RALYL: variants seen among roughly 807,000 people sequenced by gnomAD.
The protein encoded by RALYL is RALY RNA binding protein like.
A neutral mutation model predicts 35.1 loss-of-function variants in RALYL; 29 were observed. The observed-to-expected ratio is 0.83, with a 90% CI of 0.61 to 1.13. The LOEUF is 1.13. Ranked by LOEUF, RALYL falls within the 50% of genes most tolerant of loss-of-function variation. RALYL has a pLI of 0.00. For synonymous variants in RALYL, 120 were observed against 127.6 expected (o/e 0.94, Z 0.40); for missense variants, 359 against 360.4 (o/e 1.00, Z 0.03).
intron 2 of RALYL, among the ~76,000 whole-genome samples, chr8:84,760,456 G>C (rs1434174617): frequency 6.6e-6 from 1 of 151,974 alleles, no homozygotes; most frequent in Non-Finnish European, 1.5e-5. Context: ...TGTATATACA[G>C]TCATGAAACA....
Position 84,225,714 on chromosome 8 carries a change from C to A in RALYL, c.-24+41290C>A, listed in dbSNP as rs531437362. Among the ~76,000 whole-genome samples, 3 of 152,296 alleles carry A rather than the reference C, an allele frequency of 2.0e-5. No homozygotes were observed. The East Asian group carries it at 5.8e-4, about 29-fold the overall frequency. On this transcript the variant is annotated intron_variant, in intron 1 of 8. Transcript: ENST00000521268. ...TCAAACTTGTGTGACTGCCCCCACT[C>A]CTGATTTCCACCTTCACGGTGTCCT...
rs929879930 is a variant in RALYL, at chr8:84,921,128, A to G, written c.*217A>G. ...CAGGTTTTTATGGTTTAAATTGTAA[A>G]TGTGTTTTCCCCTTTGCTAATTATG... On this transcript the variant is annotated 3_prime_UTR_variant, in exon 9 of 9. Transcript: ENST00000521268. 3 of 373,940 alleles carry G rather than the reference A, an allele frequency of 8.0e-6. No homozygotes were observed. The highest frequency in any genetic ancestry group is 1.5e-5 in the Non-Finnish European group (3 of 204,608). 23.2% of individuals were successfully genotyped at this position (373,940 alleles called of 1,614,324 possible).
intron 2 of RALYL, among the ~76,000 whole-genome samples, chr8:84,714,938 C>G (rs975602110): frequency 1.3e-5 from 2 of 151,280 alleles, no homozygotes; most frequent in Admixed American, 1.3e-4. Context: ...CATTGTTGCT[C>G]TTTAGGATAT....
intron 2 of RALYL, among the ~76,000 whole-genome samples, chr8:84,649,986 A>C (rs1828375740): frequency 6.6e-6 from 1 of 152,082 alleles, no homozygotes; most frequent in Non-Finnish European, 1.5e-5. Flanking sequence ...CTCCTTGAAG[A>C]GGTCCTTCAC....
At chr8:84,568,200 TC>T (rs2061928541) in intron 2 of RALYL, among the ~76,000 whole-genome samples, 1 of 72,960 alleles carries the variant, frequency 1.4e-5, no homozygotes, top group Non-Finnish European at 2.5e-5. Context: ...CCCTCCCCCC[TC>T]CCCCCACCCC....
chr8:84,839,685 G>A (rs1233945813), intron 4 of RALYL, among the ~76,000 whole-genome samples: 6 of 152,242 alleles, frequency 3.9e-5, no homozygotes, highest in Non-Finnish European at 8.8e-5. Context: ...GTGGGTCCCT[G>A]ACCCCCAAGT....
At chr8:84,345,630 C>A (rs1849697182) in intron 1 of RALYL, among the ~76,000 whole-genome samples, 1 of 152,016 alleles carries the variant, frequency 6.6e-6, no homozygotes, top group Non-Finnish European at 1.5e-5. Flanking sequence ...GAAGACCCTC[C>A]AGCATCTCCC....
chr8:84,574,141 C>T (rs1808743826), intron 2 of RALYL, among the ~76,000 whole-genome samples: 1 of 151,932 alleles, frequency 6.6e-6, no homozygotes, highest in African/African-American at 2.4e-5. Flanking sequence ...TGTGGATTAG[C>T]TTGTTTCTTT....
chr8:84,224,743 A>G (rs902454758), intron 1 of RALYL, among the ~76,000 whole-genome samples: 4 of 150,760 alleles, frequency 2.7e-5, no homozygotes, highest in Non-Finnish European at 5.9e-5. Context: ...CACAACCTCT[A>G]CCTCCTGGGT....
chr8:84,680,317 C>T (rs1835162912), intron 2 of RALYL, among the ~76,000 whole-genome samples: 1 of 152,130 alleles, frequency 6.6e-6, no homozygotes, highest in African/African-American at 2.4e-5. Context: ...CATACGTGTG[C>T]ATGTGTCTTT....
chr8:84,896,151 C>G (rs1250288177), intron 8 of RALYL, among the ~76,000 whole-genome samples: 1 of 152,184 alleles, frequency 6.6e-6, no homozygotes, highest in Admixed American at 6.5e-5. Context: ...GTATGACTCT[C>G]TCACACTCAG....
At chr8:84,574,985 T>C (rs1312516874) in intron 2 of RALYL, among the ~76,000 whole-genome samples, 4 of 152,190 alleles carry the variant, frequency 2.6e-5, no homozygotes, top group Non-Finnish European at 4.4e-5. Context: ...TTTCACTCAG[T>C]GTCAGAATAA....
At chr8:84,437,604 TTA>T (rs575403529) in intron 1 of RALYL, among the ~76,000 whole-genome samples, 24 of 152,164 alleles carry the variant, frequency 1.6e-4, no homozygotes, top group African/African-American at 5.3e-4. Flanking sequence ...TCTCTGATGA[TTA>T]GTGATATAGA....
In RALYL at chr8:84,918,232, T is replaced by C. The variant is rs547510285; in HGVS notation, c.859-2662T>C. 7.2e-5 allele frequency among the ~76,000 whole-genome samples: 11 copies of C among 152,166 alleles called. No individual in the cohort carries two copies. In the South Asian group the frequency reaches 2.3e-3, roughly 32 times the overall value. The stretch of plus-strand genomic sequence containing the variant: ...AGAAGTCATAAGACTTATTTAAAAG[T>C]ATGATTTTCTGGGCAGAGTGTAAAT... On this transcript the variant is annotated intron_variant, in intron 8 of 8. Transcript: ENST00000521268.
At chr8:84,806,993 A>G (rs554922766) in intron 4 of RALYL, among the ~76,000 whole-genome samples, 61 of 152,248 alleles carry the variant, frequency 4.0e-4, no homozygotes, top group African/African-American at 1.4e-3. Context: ...CGTAGGCAAC[A>G]AAGTGAGACC....
At chr8:84,270,322 A>G (rs1449538269) in intron 1 of RALYL, among the ~76,000 whole-genome samples, 1 of 152,246 alleles carries the variant, frequency 6.6e-6, no homozygotes, top group Non-Finnish European at 1.5e-5. Flanking sequence ...ATAAGATACA[A>G]GCTTCAAAGG....
chr8:84,543,831 T>C (rs2060179565), intron 2 of RALYL, among the ~76,000 whole-genome samples: 1 of 152,112 alleles, frequency 6.6e-6, no homozygotes, highest in African/African-American at 2.4e-5. Context: ...GTATCATTTA[T>C]TGGGGAATAC....
At chr8:84,527,796 A>G (rs1442230933) in intron 1 of RALYL, among the ~76,000 whole-genome samples, 3 of 152,190 alleles carry the variant, frequency 2.0e-5, no homozygotes, top group Non-Finnish European at 4.4e-5. Flanking sequence ...CAGTGTTATA[A>G]TCTTTGTTTC....
intron 2 of RALYL, among the ~76,000 whole-genome samples, chr8:84,583,734 A>AT (rs1290954263): frequency 6.6e-6 from 1 of 152,134 alleles, no homozygotes; most frequent in Admixed American, 6.5e-5. Context: ...TAAAAAACAC[A>AT]TTTTTATTAT....
Sources: allele counts gnomAD v4.1 joint callset (sites outside exome capture counted in the v4.1 genomes callset), GRCh38; gene constraint gnomAD v4.1.1; transcripts MANE v1.5; gene names NCBI Gene and HGNC (gene_info 2026-07-23, HGNC 2026-07-21).